Variants in CMSS1 observed in about 807,000 individuals in gnomAD.
CMSS1 encodes cms1 ribosomal small subunit homolog.
A neutral mutation model predicts 43.5 loss-of-function variants in CMSS1; 33 were observed. The observed-to-expected ratio is 0.76, with a 90% CI of 0.57 to 1.01. CMSS1 has a LOEUF of 1.01. CMSS1 is among the 50% of genes least tolerant of loss of function. The probability of loss-of-function intolerance (pLI) is 0.00; values close to 1 mark genes in which losing one functional copy is unlikely to be tolerated. For synonymous variants in CMSS1, 115 were observed against 117.2 expected (o/e 0.98, Z 0.12); for missense variants, 313 against 326.4 (o/e 0.96, Z 0.32).
intron 1 of CMSS1, among the ~76,000 whole-genome samples, chr3:100,123,597 T>A (rs2066638923): frequency 6.6e-6 from 1 of 152,124 alleles, no homozygotes; most frequent in Non-Finnish European, 1.5e-5. Flanking sequence ...CTGAACAGGG[T>A]ACTCCCAGGC....
intron 1 of CMSS1, among the ~76,000 whole-genome samples, chr3:100,113,721 T>C (rs2066528248): frequency 6.6e-6 from 1 of 152,194 alleles, no homozygotes; most frequent in Admixed American, 6.5e-5. Context: ...AGGAAAGCCA[T>C]TTATCCAAAC....
intron 1 of CMSS1, among the ~76,000 whole-genome samples, chr3:100,032,020 A>G (rs571448577): frequency 6.6e-6 from 1 of 152,154 alleles, no homozygotes; most frequent in South Asian, 2.1e-4. Context: ...TCAGCTGTTT[A>G]AAAATGTAAA....
At chr3:99,990,582 C>T (rs1709482764) in intron 1 of CMSS1, among the ~76,000 whole-genome samples, 1 of 152,056 alleles carries the variant, frequency 6.6e-6, no homozygotes, top group Non-Finnish European at 1.5e-5. Context: ...ACTGGAGAGC[C>T]TCTAAATAAT....
chr3:99,890,545 C>T (rs1384487778), intron 1 of CMSS1, among the ~76,000 whole-genome samples: 1 of 152,044 alleles, frequency 6.6e-6, no homozygotes, highest in Non-Finnish European at 1.5e-5. Context: ...TCAGTTATTC[C>T]ATCTGTTTGG....
intron 1 of CMSS1, among the ~76,000 whole-genome samples, chr3:100,126,438 A>G (rs2066662521): frequency 6.6e-6 from 1 of 152,198 alleles, no homozygotes; most frequent in Non-Finnish European, 1.5e-5. Context: ...TATGCATACT[A>G]TGAATAGTGA....
chr3:99,924,249 G>A, intron 1 of CMSS1: 2 of 1,613,682 alleles, frequency 1.2e-6, no homozygotes, highest in Non-Finnish European at 1.7e-6. Context: ...TCCTGTTCTA[G>A]TAGGCATATG....
At chr3:99,911,158 C>G (rs1706774675) in intron 1 of CMSS1, among the ~76,000 whole-genome samples, 1 of 151,966 alleles carries the variant, frequency 6.6e-6, no homozygotes. Context: ...ATTTATTTTT[C>G]CATTTGCTTC....
chr3:99,968,853 G>A (rs1238332458), intron 1 of CMSS1, among the ~76,000 whole-genome samples: 1 of 152,140 alleles, frequency 6.6e-6, no homozygotes, highest in African/African-American at 2.4e-5. Context: ...AAAGTAAATG[G>A]GTAGGGTAAG....
intron 1 of CMSS1, among the ~76,000 whole-genome samples, chr3:99,826,928 G>A (rs889224781): frequency 1.2e-4 from 18 of 152,238 alleles, no homozygotes; most frequent in African/African-American, 4.1e-4. Context: ...AGTTCATCAG[G>A]TGAAATCACT....
intron 1 of CMSS1, among the ~76,000 whole-genome samples, chr3:99,927,052 A>G (rs1309644454): frequency 6.6e-6 from 1 of 152,032 alleles, no homozygotes; most frequent in Non-Finnish European, 1.5e-5. Context: ...TCTTCACTCC[A>G]TATCTTCCCA....
At chr3:100,071,357 G>A (rs2130323) in intron 1 of CMSS1, among the ~76,000 whole-genome samples, 1 of 152,094 alleles carries the variant, frequency 6.6e-6, no homozygotes, top group African/African-American at 2.4e-5. Context: ...CTATGGGGAA[G>A]AACTGCCTCA....
chr3:99,818,612 A>C (rs569911306), intron 1 of CMSS1, among the ~76,000 whole-genome samples: 1 of 152,238 alleles, frequency 6.6e-6, no homozygotes, highest in Non-Finnish European at 1.5e-5. Context: ...TGTGGTCATC[A>C]TCATTATCAT....
At chr3:100,110,691 C>G (rs2066476135) in intron 1 of CMSS1, among the ~76,000 whole-genome samples, 1 of 152,196 alleles carries the variant, frequency 6.6e-6, no homozygotes, top group Non-Finnish European at 1.5e-5. Flanking sequence ...ATTCACTGCT[C>G]TGCTCAGCTC....
At chr3:99,896,143 AAC>A (rs1489902377) in intron 1 of CMSS1, among the ~76,000 whole-genome samples, 4 of 152,198 alleles carry the variant, frequency 2.6e-5, no homozygotes, top group African/African-American at 9.7e-5. Context: ...AAGTGTGAAT[AAC>A]TGCTAATGGT....
chr3:99,863,493 A>G (rs947727536), intron 1 of CMSS1, among the ~76,000 whole-genome samples: 22 of 152,192 alleles, frequency 1.4e-4, no homozygotes, highest in African/African-American at 4.8e-4. Flanking sequence ...CAAGTAGACT[A>G]TTAAGGATAT....
At chr3:99,945,242 C>T (rs1707973755) in intron 1 of CMSS1, among the ~76,000 whole-genome samples, 1 of 152,164 alleles carries the variant, frequency 6.6e-6, no homozygotes, top group African/African-American at 2.4e-5. Flanking sequence ...CCATCTCCAC[C>T]CTTTCCAAAG....
chr3:100,156,599 G>A (rs539473604), intron 2 of CMSS1, among the ~76,000 whole-genome samples: 3 of 151,744 alleles, frequency 2.0e-5, no homozygotes, highest in South Asian at 2.1e-4. Flanking sequence ...GAGCCACCAC[G>A]CGCAGCCTTT....
At chr3:100,095,985 C>T (rs889743642) in intron 1 of CMSS1, among the ~76,000 whole-genome samples, 8 of 152,016 alleles carry the variant, frequency 5.3e-5, no homozygotes, top group African/African-American at 1.4e-4. Flanking sequence ...ATTTCTCAAA[C>T]GAAGACATAC....
At chr3:99,945,885 G>T (rs934325375) in intron 1 of CMSS1, among the ~76,000 whole-genome samples, 1 of 152,224 alleles carries the variant, frequency 6.6e-6, no homozygotes, top group African/African-American at 2.4e-5. Flanking sequence ...AGAGCCAGTG[G>T]GAGAAGCCCT....
Sources: allele counts gnomAD v4.1 joint callset (sites outside exome capture counted in the v4.1 genomes callset), GRCh38; gene constraint gnomAD v4.1.1; transcripts MANE v1.5; gene names NCBI Gene and HGNC (gene_info 2026-07-23, HGNC 2026-07-21).